The following LRIG3 variants were observed in gnomAD, a reference collection of about 807,000 sequenced individuals.
The protein encoded by LRIG3 is leucine-rich repeats and immunoglobulin-like domains protein 3.
Under a neutral mutation model 114.5 loss-of-function variants are expected in LRIG3, and 76 were observed. The observed-to-expected ratio is 0.66, with a 90% CI of 0.55 to 0.80. The LOEUF is 0.80. Ranked by LOEUF, LRIG3 falls within the 30% of genes least tolerant of loss-of-function variation. The pLI, the probability that LRIG3 is intolerant of heterozygous loss-of-function variation, is 0.00. For missense variants in LRIG3, 1,239 were observed against 1,382.8 expected (o/e 0.90, Z 1.65); for synonymous variants, 512 against 519.8 (o/e 0.98, Z 0.20).
chr12:58,914,278 T>G lies in LRIG3; in HGVS notation c.295A>C (p.Ser99Arg), dbSNP rs1409675820. The G allele has an allele frequency of 6.2e-7, 1 of 1,614,038 alleles. No individual in the cohort carries two copies. The highest frequency in any genetic ancestry group is 1.7e-5 in the Admixed American group (1 of 60,016). The change falls in exon 2 of 19, where the codon AGC becomes CGC. Residue 99 changes from serine (S) to arginine (R), a missense_variant. Transcript: ENST00000320743. ...ACGAAGACTCACACTTCTCGAAGGC[T>G]TTGAAGGTGGCTCATGGAACTTGCC... ...IKASSMSHLQ[S>R]LREVKLNNNE...
chr12:58,914,496 A>T, intron 1 of LRIG3, 160 bp from the exon 2 acceptor site: 1 of 561,706 alleles, frequency 1.8e-6, no homozygotes, highest in East Asian at 2.8e-5. Flanking sequence ...CAAACTCAAA[A>T]ATACAAGCTC....
At chr12:58,919,605 A>G (rs1287145094) in intron 1 of LRIG3, 5 of 1,512,710 alleles carry the variant, frequency 3.3e-6, no homozygotes, top group East Asian at 2.5e-5. Flanking sequence ...AACCAGACTC[A>G]TAACTCAGCG....
intron 13 of LRIG3, 51 bp from the exon 14 acceptor site, chr12:58,879,156 T>C (rs1431036635): frequency 2.0e-6 from 3 of 1,508,784 alleles, no homozygotes; most frequent in East Asian, 4.6e-5. Context: ...TCTTACAGGT[T>C]CACTTGCATT....
chr12:58,919,212 C>G (rs1199186648), intron 1 of LRIG3, among the ~76,000 whole-genome samples: 1 of 152,136 alleles, frequency 6.6e-6, no homozygotes, highest in African/African-American at 2.4e-5. Context: ...CATTTTCTTC[C>G]TTGTTCTTCA....
intron 3 of LRIG3, among the ~76,000 whole-genome samples, chr12:58,897,830 CTG>C (rs1871697328): frequency 6.6e-6 from 1 of 152,118 alleles, no homozygotes; most frequent in Admixed American, 6.6e-5. Context: ...AAAATTTTTA[CTG>C]TTTCTTTTTT....
chr12:58,880,353 T>C, intron 13 of LRIG3: 2 of 670,874 alleles, frequency 3.0e-6, no homozygotes, highest in South Asian at 1.6e-5. Context: ...GTCTGGTTCA[T>C]CTCTGTGTTA....
chr12:58,877,217 A>C (rs1870951036), intron 15 of LRIG3, among the ~76,000 whole-genome samples, 183 bp downstream of exon 15: 1 of 152,198 alleles, frequency 6.6e-6, no homozygotes, highest in African/African-American at 2.4e-5. Flanking sequence ...AAAAGTATTA[A>C]TCTTTAAACA....
chr12:58,918,542 T>G (rs1872557983), intron 1 of LRIG3, among the ~76,000 whole-genome samples: 1 of 152,176 alleles, frequency 6.6e-6, no homozygotes. Context: ...CTAAATACAC[T>G]CCAGGAAGCA....
chr12:58,904,992 A>C (rs958271477), intron 3 of LRIG3, among the ~76,000 whole-genome samples: 1 of 152,224 alleles, frequency 6.6e-6, no homozygotes, highest in African/African-American at 2.4e-5. Context: ...AGTCTGATTT[A>C]AACAGTGCAG....
chr12:58,877,819 C>T lies in LRIG3; in HGVS notation c.2117G>A (p.Arg706Gln), dbSNP rs149784962. The change falls in exon 15 of 19, where the codon CGA becomes CAA. Residue 706 changes from arginine to glutamine, a missense_variant. Coordinates refer to ENST00000320743, the MANE Select transcript of LRIG3 (RefSeq NM_153377.5). ...TPSFLRPLLD[R>Q]TVTKGETAVL... is the part of the protein sequence containing the mutation. The stretch of plus-strand genomic sequence containing the variant: ...GGCTGTTTCTCCCTTGGTTACAGTT[C>T]GGTCCAACAGTGGCCGCAAAAATGA... 14 of 1,612,784 alleles carry T rather than the reference C, an allele frequency of 8.7e-6. No homozygotes were observed. In the African/African-American group the frequency reaches 9.3e-5, roughly 11 times the overall value.
chr12:58,874,540 T>A lies in LRIG3; in HGVS notation c.2729A>T (p.Asp910Val). The change falls in exon 17 of 19, where the codon GAT (aspartate) becomes GTT (valine). Residue 910 changes from aspartate (D) to valine (V), a missense_variant. Transcript: ENST00000320743. ...TCHIDNSSEA[D>V]VEAATDLFLC... ...GAACAGATCTGTGGCAGCTTCCACA[T>A]CAGCTTCACTGCTATTGTCAATATG... is the stretch of plus-strand genomic sequence containing the variant. The A allele has an allele frequency of 1.2e-6, 2 of 1,614,206 alleles. No individual in the cohort carries two copies. Among genetic ancestry groups the A allele is most frequent in the Non-Finnish European group, 1.7e-6 (2 of 1,180,026 alleles).
At chr12:58,892,576 T>C (rs1871492089) in intron 3 of LRIG3, among the ~76,000 whole-genome samples, 1 of 152,196 alleles carries the variant, frequency 6.6e-6, no homozygotes, top group South Asian at 2.1e-4. Flanking sequence ...ACGTCAAACT[T>C]ACACCACTGG....
intron 14 of LRIG3, among the ~76,000 whole-genome samples, chr12:58,878,548 T>G (rs1027387044): frequency 6.6e-6 from 1 of 151,930 alleles, no homozygotes; most frequent in African/African-American, 2.4e-5. Context: ...AGGAGGGTGA[T>G]CCCCCATAAA....
At position 58,890,689 on chromosome 12, in the gene LRIG3, A is replaced by C; in HGVS notation, c.491T>G (p.Phe164Cys). Residue 164 changes from phenylalanine to cysteine, a missense_variant, in exon 4 of 19, where the codon TTT becomes TGT. By Grantham distance (205) the Phe-to-Cys change is radical. Transcript: ENST00000320743. Reference protein sequence around the residue: ...SNNISELQTAFPALQLKYLYL... With the variant: ...SNNISELQTACPALQLKYLYL... ...CAGATATTTGAGCTGTAGGGCTGGA[A>C]ATGCAGTTTGGAGCTCTGAAATATT... 6.2e-7 allele frequency: 1 copy of C among 1,602,102 alleles called. No homozygotes were observed. The highest frequency in any genetic ancestry group is 8.5e-7 in the Non-Finnish European group (1 of 1,175,292).
At chr12:58,891,298 G>A (rs531786400) in intron 3 of LRIG3, among the ~76,000 whole-genome samples, 13 of 151,878 alleles carry the variant, frequency 8.6e-5, no homozygotes, top group African/African-American at 2.9e-4. Context: ...ATACAGTCGG[G>A]GGGTCTCACT....
At chr12:58,909,238 A>G (rs1036787542) in intron 3 of LRIG3, among the ~76,000 whole-genome samples, 1 of 152,190 alleles carries the variant, frequency 6.6e-6, no homozygotes, top group African/African-American at 2.4e-5. Flanking sequence ...TGAGCAGGTC[A>G]GCTATAGAGG....
Position 58,888,881 on chromosome 12 carries a change from T to G in LRIG3, c.741A>C (p.Gln247His), listed in dbSNP as rs1313931228. The G allele has an allele frequency of 6.2e-7, 1 of 1,613,908 alleles. No individual in the cohort carries two copies. Among genetic ancestry groups the G allele is most frequent in the Non-Finnish European group, 8.5e-7 (1 of 1,179,878 alleles). ...GLGALKSLKM[Q>H]RNGVTKLMDG... ...CCATAAGTTTCGTTACTCCATTTCTTTGCATTTTCAGAGACTTCAGAGCAC... is the reference window on the plus strand; with the variant it reads ...CCATAAGTTTCGTTACTCCATTTCTGTGCATTTTCAGAGACTTCAGAGCAC... The change falls in exon 6 of 19, where the codon CAA becomes CAC. Residue 247 changes from glutamine (Q) to histidine (H), a missense_variant. Physicochemically the swap from Gln to His is conservative, Grantham distance 24 (BLOSUM62 0). Transcript: ENST00000320743.
At chr12:58,914,929 T>C (rs1437887803) in intron 1 of LRIG3, among the ~76,000 whole-genome samples, 1 of 152,184 alleles carries the variant, frequency 6.6e-6, no homozygotes, top group East Asian at 1.9e-4. Context: ...TCTGATAATA[T>C]AAAATTTAAA....
At chr12:58,914,446 T>G in intron 1 of LRIG3, 110 bp from the exon 2 acceptor site, 4 of 798,268 alleles carry the variant, frequency 5.0e-6, no homozygotes, top group Non-Finnish European at 8.0e-6. Flanking sequence ...GAGAAATAAT[T>G]GGTCTATTCT....
Sources: gnomAD v4.1 joint callset for allele counts (sites outside exome capture counted in the v4.1 genomes callset) on GRCh38, gnomAD v4.1.1 for gene constraint, MANE v1.5 for transcripts, NCBI Gene and HGNC (gene_info 2026-07-23, HGNC 2026-07-21) for gene names.